Variants in THEMIS observed in about 807,000 individuals in gnomAD.
THEMIS encodes thymocyte selection associated.
In THEMIS, 37 loss-of-function variants were observed where a neutral mutation model predicts 52.6. The ratio of observed to expected loss-of-function variants is 0.70; its 90% CI spans 0.54 to 0.93. The LOEUF (loss-of-function observed/expected upper bound fraction) is 0.93. Ranked by LOEUF, THEMIS falls within the 40% of genes least tolerant of loss-of-function variation. The pLI is 0.00. For missense variants in THEMIS, 808 were observed against 763.1 expected (o/e 1.06, Z -0.69); for synonymous variants, 292 against 272.7 (o/e 1.07, Z -0.70).
chr6:127,767,561 C>T (rs1229377894), intron 4 of THEMIS, among the ~76,000 whole-genome samples: 5 of 152,098 alleles, frequency 3.3e-5, no homozygotes, highest in Non-Finnish European at 7.4e-5. Context: ...CGTCTTGTCC[C>T]ACTGGACTTC....
downstream of THEMIS, among the ~76,000 whole-genome samples, chr6:127,703,198 C>T (rs1773750094): frequency 6.6e-6 from 1 of 151,176 alleles, no homozygotes. Flanking sequence ...CAGGCGCCCG[C>T]CACTACGCCC....
At chr6:127,705,418 T>A (rs541137754), downstream of THEMIS, among the ~76,000 whole-genome samples, 9 of 152,304 alleles carry the variant, frequency 5.9e-5, no homozygotes, top group South Asian at 1.9e-3. Context: ...TCACAAAGGC[T>A]GATCTAGTTA....
At chr6:127,915,936 G>T (rs1250133997) in intron 1 of THEMIS, among the ~76,000 whole-genome samples, 1 of 152,160 alleles carries the variant, frequency 6.6e-6, no homozygotes, top group East Asian at 1.9e-4. Flanking sequence ...GCAGTGAGCC[G>T]AGATTGTGCC....
At chr6:127,787,001 GA>G (rs1356412333) in intron 4 of THEMIS, among the ~76,000 whole-genome samples, 1 of 151,956 alleles carries the variant, frequency 6.6e-6, no homozygotes, top group Non-Finnish European at 1.5e-5. Context: ...TCGATTCCAA[GA>G]GCATTGCCAC....
At chr6:127,885,218 A>G (rs115851109) in intron 1 of THEMIS, among the ~76,000 whole-genome samples, 1,669 of 152,240 alleles carry the variant, frequency 0.011, 35 homozygotes, top group African/African-American at 0.039. Flanking sequence ...CTGATTTTCT[A>G]CTATTCCCTG....
intron 4 of THEMIS, among the ~76,000 whole-genome samples, chr6:127,809,729 A>T (rs1405141533): frequency 6.6e-6 from 1 of 151,640 alleles, no homozygotes; most frequent in Non-Finnish European, 1.5e-5. Context: ...AACATATTAC[A>T]CCAAATTTGT....
intron 1 of THEMIS, among the ~76,000 whole-genome samples, chr6:127,858,315 C>T (rs948983114): frequency 6.6e-6 from 1 of 152,036 alleles, no homozygotes; most frequent in African/African-American, 2.4e-5. Flanking sequence ...AAGGAAAAGA[C>T]TATCATGTAA....
chr6:127,892,277 C>T (rs922083337), intron 1 of THEMIS, among the ~76,000 whole-genome samples: 6 of 152,200 alleles, frequency 3.9e-5, no homozygotes, highest in African/African-American at 1.2e-4. Context: ...GTTCTGTCCT[C>T]AGCAGGGATG....
At chr6:127,708,080 C>A (rs1773849588), downstream of THEMIS, 1 of 152,038 alleles carries the variant, frequency 6.6e-6, no homozygotes, top group South Asian at 2.1e-4. Flanking sequence ...GCTTTTTTAG[C>A]ACAAGCAGCC....
intron 4 of THEMIS, among the ~76,000 whole-genome samples, chr6:127,783,443 T>A (rs1776815972): frequency 6.6e-6 from 1 of 152,024 alleles, no homozygotes; most frequent in Admixed American, 6.6e-5. Context: ...ATCATTAGAG[T>A]GAATAGGCAA....
chr6:127,874,126 C>G (rs1338339541), intron 1 of THEMIS, among the ~76,000 whole-genome samples: 1 of 152,176 alleles, frequency 6.6e-6, no homozygotes, highest in Non-Finnish European at 1.5e-5. Context: ...AATGAGCTCA[C>G]TTTTTACTGC....
intron 1 of THEMIS, among the ~76,000 whole-genome samples, chr6:127,858,631 A>C (rs1043989406): frequency 6.6e-6 from 1 of 152,146 alleles, no homozygotes; most frequent in Non-Finnish European, 1.5e-5. Context: ...AACACATAAT[A>C]TGTGTAATTG....
chr6:127,718,116 C>G (rs905094858), intron 5 of THEMIS, among the ~76,000 whole-genome samples: 12 of 151,556 alleles, frequency 7.9e-5, no homozygotes, highest in African/African-American at 2.9e-4. Flanking sequence ...TATATTTTTG[C>G]TCTACTTTTG....
intron 4 of THEMIS, among the ~76,000 whole-genome samples, chr6:127,750,997 C>G (rs746940908): frequency 9.9e-5 from 15 of 151,576 alleles, no homozygotes; most frequent in Non-Finnish European, 1.5e-4. Context: ...TGAAAGAATG[C>G]TAATTAGCAA....
intron 4 of THEMIS, among the ~76,000 whole-genome samples, chr6:127,767,212 C>T (rs1234951566): frequency 1.3e-5 from 2 of 152,030 alleles, no homozygotes; most frequent in Non-Finnish European, 2.9e-5. Context: ...CTGCCTCAAC[C>T]TCCCAAGTAG....
Position 127,813,219 on chromosome 6 carries a change from A to C in THEMIS, c.1422T>G (p.Ala474=), listed in dbSNP as rs1348328962. 10 of 1,614,090 alleles carry C rather than the reference A, an allele frequency of 6.2e-6. No individual in the cohort carries two copies. Among genetic ancestry groups the C allele is most frequent in the Middle Eastern group, 3.3e-4 (2 of 6,060 alleles). The part of the protein sequence containing the change: ...RDLSIEEDVL[A]ATPGLQLEED... Reference sequence around the variant, plus strand: ...CCTCCAACTGCAGTCCTGGTGTGGCAGCCAACACGTCCTCTTCAATGGAAA... The same window carrying C: ...CCTCCAACTGCAGTCCTGGTGTGGCCGCCAACACGTCCTCTTCAATGGAAA... The change falls in exon 4 of 6, where the codon GCT becomes GCG. Residue 474 remains alanine (A), a synonymous_variant. Coordinates refer to ENST00000368248, the MANE Select transcript of THEMIS (RefSeq NM_001010923.3).
Position 127,829,394 on chromosome 6 carries a change from C to T in THEMIS, c.709+82G>A, listed in dbSNP as rs182822187. 38 of 1,129,228 alleles carry T rather than the reference C, an allele frequency of 3.4e-5. 1 individual carries two copies. In the East Asian group the frequency reaches 8.1e-4, roughly 24 times the overall value. 70.0% of individuals were successfully genotyped at this position (1,129,228 alleles called of 1,614,324 possible). ...AATAGTTGAAATAAAGACAGACTCCCATTCTTCAGGCTCTAAAATCTTTCT... is the reference window on the plus strand; with the variant it reads ...AATAGTTGAAATAAAGACAGACTCCTATTCTTCAGGCTCTAAAATCTTTCT... On this transcript the variant is annotated intron_variant, in intron 3 of 5. Transcript: ENST00000368248.
chr6:127,822,002 AG>A (rs1778356961), intron 3 of THEMIS, among the ~76,000 whole-genome samples: 2 of 151,948 alleles, frequency 1.3e-5, no homozygotes, highest in African/African-American at 4.8e-5. Flanking sequence ...CCCAACTTCT[AG>A]TTCCTCCATT....
At chr6:127,779,348 T>G (rs1184673272) in intron 4 of THEMIS, among the ~76,000 whole-genome samples, 5 of 152,102 alleles carry the variant, frequency 3.3e-5, no homozygotes, top group African/African-American at 4.8e-5. Flanking sequence ...TCTCAGTGAG[T>G]TAACAACGAG....
Sources: allele counts gnomAD v4.1 joint callset (sites outside exome capture counted in the v4.1 genomes callset), GRCh38; gene constraint gnomAD v4.1.1; transcripts MANE v1.5; gene names NCBI Gene and HGNC (gene_info 2026-07-23, HGNC 2026-07-21).